The following KCNN2 variants were observed in gnomAD, a reference collection of about 807,000 sequenced individuals.
The protein encoded by KCNN2 is small conductance calcium-activated potassium channel protein 2.
A neutral mutation model predicts 55.5 loss-of-function variants in KCNN2; 24 were observed. The ratio of observed to expected loss-of-function variants is 0.43; its 90% CI spans 0.31 to 0.61. KCNN2 has a LOEUF of 0.61. Among genes scored for constraint, KCNN2 ranks in the 20% least tolerant of loss-of-function variants. The probability of loss-of-function intolerance (pLI) is 0.08; values close to 1 mark genes in which losing one functional copy is unlikely to be tolerated. For missense variants in KCNN2, 754 were observed against 853.6 expected, an observed-to-expected ratio of 0.88 and a Z score of 1.45; for synonymous variants, 431 against 336.1, an observed-to-expected ratio of 1.28 and a Z score of -3.09.
At chr5:114,420,793 G>A (rs925019152) in intron 3 of KCNN2, among the ~76,000 whole-genome samples, 9 of 152,196 alleles carry the variant, frequency 5.9e-5, no homozygotes, top group African/African-American at 2.2e-4. Context: ...ATGTTCAGAT[G>A]GTAGCTTTCC....
chr5:114,366,181 A>G (rs1185420706), intron 2 of KCNN2, among the ~76,000 whole-genome samples: 3 of 152,242 alleles, frequency 2.0e-5, no homozygotes, highest in African/African-American at 7.2e-5. Context: ...AATTATGCAT[A>G]TGCACATATA....
intron 2 of KCNN2, among the ~76,000 whole-genome samples, chr5:114,398,459 G>T (rs1434667650): frequency 6.6e-6 from 1 of 151,084 alleles, no homozygotes; most frequent in Non-Finnish European, 1.5e-5. Flanking sequence ...TTGAAGTCAG[G>T]TAATGTGATG....
chr5:114,306,707 T>C (rs1427440137), intron 2 of KCNN2, among the ~76,000 whole-genome samples: 3 of 147,768 alleles, frequency 2.0e-5, no homozygotes, highest in Non-Finnish European at 4.5e-5. Context: ...TTTCTTTTTT[T>C]TTTTTTTTTT....
chr5:114,184,710 G>T (rs1023175904), intron 1 of KCNN2, among the ~76,000 whole-genome samples: 2 of 152,028 alleles, frequency 1.3e-5, no homozygotes, highest in Non-Finnish European at 2.9e-5. Context: ...TGAGATAAAC[G>T]ATGCAAAATG....
chr5:114,226,900 C>CAAAAAAA (rs34719469), intron 2 of KCNN2, among the ~76,000 whole-genome samples: 2 of 86,758 alleles, frequency 2.3e-5, no homozygotes, highest in Non-Finnish European at 4.3e-5. Flanking sequence ...GACTCCGTCT[C>CAAAAAAA]AAAAAAAAAA....
chr5:114,264,504 AG>A (rs1488122472), intron 2 of KCNN2, among the ~76,000 whole-genome samples: 1 of 152,200 alleles, frequency 6.6e-6, no homozygotes, highest in Non-Finnish European at 1.5e-5. Context: ...GACAGAAAAC[AG>A]GGAGGTTGCT....
chr5:114,385,119 A>G (rs1414191358), intron 2 of KCNN2, among the ~76,000 whole-genome samples: 1 of 152,104 alleles, frequency 6.6e-6, no homozygotes, highest in Non-Finnish European at 1.5e-5. Flanking sequence ...AAAATTAGTG[A>G]GTCTGAAGTG....
rs138837725 is a variant in KCNN2, at chr5:114,216,226, A to G, written c.-270-5254A>G. On this transcript the variant is annotated intron_variant, in intron 1 of 10. Transcript: ENST00000512097. ...AACAACATGAGAAACAATGAAAAAC[A>G]AAGTAAATTATTTCCTCATTTTTTT... 2.5e-3 allele frequency among the ~76,000 whole-genome samples: 386 copies of G among 152,324 alleles called. 1 individual carries two copies. Among genetic ancestry groups the G allele is most frequent in the African/African-American group, 9.0e-3 (374 of 41,594 alleles).
chr5:114,299,652 C>G (rs887289448), intron 2 of KCNN2, among the ~76,000 whole-genome samples: 1 of 152,150 alleles, frequency 6.6e-6, no homozygotes. Flanking sequence ...CCCATCTAGT[C>G]CCATCTCTGG....
chr5:114,437,491 G>A (rs1487778814), intron 3 of KCNN2, among the ~76,000 whole-genome samples: 1 of 152,154 alleles, frequency 6.6e-6, no homozygotes, highest in Non-Finnish European at 1.5e-5. Context: ...AGACTCAATA[G>A]TTAAATAAAC....
chr5:114,455,339 A>G (rs1167883084), intron 3 of KCNN2, among the ~76,000 whole-genome samples: 1 of 152,074 alleles, frequency 6.6e-6, no homozygotes, highest in East Asian at 1.9e-4. Context: ...ATGATCAGGG[A>G]TCTTTGATAT....
chr5:114,437,332 C>T (rs535488782), intron 3 of KCNN2, among the ~76,000 whole-genome samples: 1 of 151,914 alleles, frequency 6.6e-6, no homozygotes, highest in East Asian at 1.9e-4. Context: ...ACAGTGGGAA[C>T]AGAGAGAAGG....
At chr5:114,457,118 T>C (rs976494902) in intron 3 of KCNN2, among the ~76,000 whole-genome samples, 1 of 152,208 alleles carries the variant, frequency 6.6e-6, no homozygotes, top group African/African-American at 2.4e-5. Flanking sequence ...GATAAATCTT[T>C]CCTGAAAGAA....
At position 114,241,822 on chromosome 5, in the gene KCNN2, GTGTA is replaced by G. The variant is rs1158548511; in HGVS notation, c.-185+20259_-185+20262del. On this transcript the variant is annotated intron_variant, in intron 2 of 10. Coordinates refer to the KCNN2 transcript ENST00000512097. ...TATATATACGTATATATATATATGT[GTGTA>G]TATATATATATATATATATGGAGTG... is the stretch of plus-strand genomic sequence containing the variant. Among the ~76,000 whole-genome samples, 9 of 6,372 alleles carry G rather than the reference GTGTA, an allele frequency of 1.4e-3. 3 individuals carry two copies. The highest frequency in any genetic ancestry group is 7.6e-3 in the Admixed American group (3 of 394). The allele number at this position is 6,372 out of a possible 152,430, so 4.2% of individuals were successfully genotyped here.
At chr5:114,282,135 C>G (rs1053822691) in intron 2 of KCNN2, among the ~76,000 whole-genome samples, 3 of 152,062 alleles carry the variant, frequency 2.0e-5, no homozygotes, top group Non-Finnish European at 4.4e-5. Context: ...GTATCAGTCT[C>G]TATCACTAGG....
At chr5:114,308,306 C>T (rs904973804) in intron 2 of KCNN2, among the ~76,000 whole-genome samples, 2 of 152,120 alleles carry the variant, frequency 1.3e-5, no homozygotes, top group African/African-American at 4.8e-5. Context: ...TATCCTTGGT[C>T]TCCCTTAAAG....
chr5:114,262,240 G>A (rs1390321805), intron 2 of KCNN2, among the ~76,000 whole-genome samples: 2 of 152,118 alleles, frequency 1.3e-5, no homozygotes, highest in South Asian at 4.1e-4. Context: ...CAAGAAAGCA[G>A]TCTTCTTCCA....
At chr5:114,252,053 T>A (rs1047874668) in intron 2 of KCNN2, among the ~76,000 whole-genome samples, 1 of 151,844 alleles carries the variant, frequency 6.6e-6, no homozygotes. Flanking sequence ...TAATTTTGTA[T>A]TTTTAGTAGA....
At chr5:114,071,778 C>T (rs1356984150) in intron 1 of KCNN2, among the ~76,000 whole-genome samples, 1 of 152,104 alleles carries the variant, frequency 6.6e-6, no homozygotes, top group Non-Finnish European at 1.5e-5. Flanking sequence ...CAAGGGATAC[C>T]ACTAAGTTCT....
Sources: gnomAD v4.1 joint callset for allele counts (sites outside exome capture counted in the v4.1 genomes callset) on GRCh38, gnomAD v4.1.1 for gene constraint, MANE v1.5 for transcripts, NCBI Gene and HGNC (gene_info 2026-07-23, HGNC 2026-07-21) for gene names.